The following DCLK2 variants were observed in gnomAD, a reference collection of about 807,000 sequenced individuals.
DCLK2 encodes the protein serine/threonine-protein kinase DCLK2.
A neutral mutation model predicts 78.4 loss-of-function variants in DCLK2; 31 were observed. The ratio of observed to expected loss-of-function variants is 0.40; its 90% CI spans 0.30 to 0.53. The LOEUF (loss-of-function observed/expected upper bound fraction) is 0.53. Ranked by LOEUF, DCLK2 falls within the 20% of genes least tolerant of loss-of-function variation. The pLI is 0.61. For missense variants in DCLK2, 872 were observed against 973.7 expected, an observed-to-expected ratio of 0.90 and a Z score of 1.39; for synonymous variants, 407 against 374.9, an observed-to-expected ratio of 1.09 and a Z score of -0.99.
intron 10 of DCLK2, among the ~76,000 whole-genome samples, chr4:150,233,611 A>G (rs527277393): frequency 6.6e-6 from 1 of 152,336 alleles, no homozygotes; most frequent in South Asian, 2.1e-4. Flanking sequence ...TACTAAAGGC[A>G]TGGAAACAGA....
At chr4:150,156,388 T>C (rs888814951) in intron 2 of DCLK2, among the ~76,000 whole-genome samples, 1 of 151,990 alleles carries the variant, frequency 6.6e-6, no homozygotes, top group African/African-American at 2.4e-5. Flanking sequence ...GGCTCACGCC[T>C]ATAATCTTAG....
intron 2 of DCLK2, among the ~76,000 whole-genome samples, chr4:150,134,235 T>C (rs12505473): frequency 0.32 from 47,837 of 151,666 alleles, 7,941 homozygotes; most frequent in African/African-American, 0.43. Context: ...CACCCGCCAC[T>C]ACGCCCAGCT....
chr4:150,214,729 A>G (rs903357089), intron 5 of DCLK2, among the ~76,000 whole-genome samples: 1 of 152,168 alleles, frequency 6.6e-6, no homozygotes, highest in African/African-American at 2.4e-5. Flanking sequence ...TGGGAGGCCA[A>G]GGTGGGTGGA....
intron 1 of DCLK2, among the ~76,000 whole-genome samples, chr4:150,095,168 A>G (rs1730368768): frequency 6.6e-6 from 1 of 152,234 alleles, no homozygotes; most frequent in Admixed American, 6.5e-5. Context: ...TTATGAAGTG[A>G]ACCTCTTTGT....
chr4:150,088,673 G>T (rs897000844), intron 1 of DCLK2, among the ~76,000 whole-genome samples: 1 of 152,062 alleles, frequency 6.6e-6, no homozygotes, highest in Admixed American at 6.6e-5. Context: ...AATCCAAAAT[G>T]CTTGAAAATC....
chr4:150,085,094 A>G (rs1250779646), intron 1 of DCLK2, among the ~76,000 whole-genome samples: 2 of 152,164 alleles, frequency 1.3e-5, no homozygotes, highest in South Asian at 2.1e-4. Context: ...CAGAGATGGT[A>G]GAGAAATTGC....
chr4:150,237,651 C>G (rs898872176), intron 10 of DCLK2, among the ~76,000 whole-genome samples: 2 of 152,084 alleles, frequency 1.3e-5, no homozygotes, highest in African/African-American at 4.8e-5. Flanking sequence ...GTTCTCCATT[C>G]TTTTTTACTG....
Position 150,240,249 on chromosome 4 carries a change from A to G in DCLK2, c.1701-150A>G, listed in dbSNP as rs565418559. The G allele has an allele frequency of 4.4e-6, 3 of 683,406 alleles. No individual in the cohort carries two copies. The East Asian group carries it at 8.4e-5, about 19-fold the overall frequency. 42.3% of individuals were successfully genotyped at this position (683,406 alleles called of 1,614,324 possible). A position where few individuals can be genotyped will look rare whatever the true frequency, so the allele number is the denominator to read the frequency against. On this transcript the variant is annotated intron_variant, in intron 11 of 15. Coordinates refer to ENST00000296550, the MANE Select transcript of DCLK2 (RefSeq NM_001040260.4). ...GGCAGAAACAGATGCCTTTTTCTAA[A>G]GTGTGATTCATTCATCTCTATGTGA...
At chr4:150,250,792 C>T (rs1743738511) in intron 15 of DCLK2, among the ~76,000 whole-genome samples, 1 of 151,196 alleles carries the variant, frequency 6.6e-6, no homozygotes, top group African/African-American at 2.4e-5. Flanking sequence ...TGTCTGAGAG[C>T]CTTACCTAGG....
chr4:150,169,292 A>T (rs141017687), intron 2 of DCLK2, among the ~76,000 whole-genome samples: 138 of 152,370 alleles, frequency 9.1e-4, no homozygotes, highest in African/African-American at 3.1e-3. Flanking sequence ...TGGACTGTTA[A>T]AAACTTTAGA....
At chr4:150,194,781 T>G (rs903385682) in intron 3 of DCLK2, among the ~76,000 whole-genome samples, 1 of 152,078 alleles carries the variant, frequency 6.6e-6, no homozygotes, top group Non-Finnish European at 1.5e-5. Flanking sequence ...TTGTAGTGTT[T>G]CTGACAGTCC....
At chr4:150,194,102 G>T (rs899257899) in intron 3 of DCLK2, among the ~76,000 whole-genome samples, 2 of 149,824 alleles carry the variant, frequency 1.3e-5, no homozygotes, top group African/African-American at 2.5e-5. Context: ...ATACAGTCAT[G>T]TACCATGTAA....
At chr4:150,090,739 T>C (rs937656449) in intron 1 of DCLK2, among the ~76,000 whole-genome samples, 1 of 152,152 alleles carries the variant, frequency 6.6e-6, no homozygotes, top group Non-Finnish European at 1.5e-5. Context: ...TAGATATTCG[T>C]AGGGTCAAAG....
At chr4:150,243,593 C>A (rs1241628456) in intron 12 of DCLK2, among the ~76,000 whole-genome samples, 1 of 152,188 alleles carries the variant, frequency 6.6e-6, no homozygotes, top group Non-Finnish European at 1.5e-5. Flanking sequence ...CAACTTTAAC[C>A]CAAAGCATTT....
At chr4:150,156,789 A>ATTTT (rs869126960) in intron 2 of DCLK2, among the ~76,000 whole-genome samples, 1 of 133,106 alleles carries the variant, frequency 7.5e-6, no homozygotes, top group Non-Finnish European at 1.6e-5. Flanking sequence ...TTATTTATTT[A>ATTTT]TTTTTTGAGA....
intron 2 of DCLK2, among the ~76,000 whole-genome samples, chr4:150,190,240 T>TAGATAGAC (rs773001173): frequency 0.22 from 7,744 of 35,558 alleles, 335 homozygotes; most frequent in Non-Finnish European, 0.23. Context: ...GATAGTTAGA[T>TAGATAGAC]AGATAGATAG....
chr4:150,122,603 G>A (rs896226397), intron 2 of DCLK2, among the ~76,000 whole-genome samples: 2 of 152,172 alleles, frequency 1.3e-5, no homozygotes, highest in Non-Finnish European at 2.9e-5. Flanking sequence ...GGGCCTGTCA[G>A]TGGGTGGGGG....
At position 150,078,784 on chromosome 4, in the gene DCLK2, G is replaced by A. The variant is rs929124250; in HGVS notation, c.-244G>A. The A allele has an allele frequency of 2.7e-6, 1 of 374,064 alleles. No individual in the cohort carries two copies. The highest frequency in any genetic ancestry group is 4.7e-6 in the Non-Finnish European group (1 of 214,650). The allele number at this position is 374,064 out of a possible 1,614,324, so 23.2% of individuals were successfully genotyped here. A position where few individuals can be genotyped will look rare whatever the true frequency, so the allele number is the denominator to read the frequency against. On this transcript the variant is annotated 5_prime_UTR_variant, in exon 1 of 16. Transcript: ENST00000296550. ...CGTGGGGCTCCCCGGCAGGCGGGAG[G>A]CACGGAGCAAGTCGCACTGGACAAT...
At chr4:150,130,538 G>C (rs1378168660) in intron 2 of DCLK2, among the ~76,000 whole-genome samples, 1 of 152,090 alleles carries the variant, frequency 6.6e-6, no homozygotes, top group Non-Finnish European at 1.5e-5. Flanking sequence ...AGGGAAATGA[G>C]AATAATGTGA....
Sources: allele counts gnomAD v4.1 joint callset (sites outside exome capture counted in the v4.1 genomes callset), GRCh38; gene constraint gnomAD v4.1.1; transcripts MANE v1.5; gene names NCBI Gene and HGNC (gene_info 2026-07-23, HGNC 2026-07-21).